Variants in PCDH11X observed in about 807,000 individuals in gnomAD.
The protein encoded by PCDH11X is protocadherin-11 X-linked.
PCDH11X carries 18 observed loss-of-function variants against 53.3 expected under a neutral mutation model. The ratio of observed to expected loss-of-function variants is 0.34; its 90% CI spans 0.23 to 0.50. The LOEUF (loss-of-function observed/expected upper bound fraction) is 0.50. PCDH11X is among the 20% of genes least tolerant of loss of function. The pLI is 0.98. For synonymous variants in PCDH11X, 279 were observed against 393.3 expected (o/e 0.71, Z 3.44); for missense variants, 570 against 1,032.4 (o/e 0.55, Z 6.14).
chrX:91,819,845 C>A (rs1936587518), intron 4 of PCDH11X, among the ~76,000 whole-genome samples: 1 of 91,234 alleles, frequency 1.1e-5, no homozygotes, highest in African/African-American at 4.1e-5. Context: ...CAACAGTCCC[C>A]AGAGTGTGAT....
intron 6 of PCDH11X, among the ~76,000 whole-genome samples, chrX:91,960,190 C>T (rs1259961847): frequency 8.8e-5 from 9 of 102,377 alleles, no homozygotes; most frequent in African/African-American, 1.8e-4. Flanking sequence ...TAACCCCCTA[C>T]GAGATAAACA....
intron 8 of PCDH11X, among the ~76,000 whole-genome samples, chrX:92,322,742 G>T (rs2069243877): frequency 9.0e-6 from 1 of 111,469 alleles, no homozygotes. Context: ...TATTGCCAGG[G>T]GAATATTGTC....
At chrX:92,360,221 GTACTTTA>G (rs941814433) in intron 8 of PCDH11X, among the ~76,000 whole-genome samples, 21 of 110,941 alleles carry the variant, frequency 1.9e-4, no homozygotes, top group Admixed American at 1.3e-3. Context: ...ATTGTATACA[GTACTTTA>G]TACTTTATAC....
chrX:92,294,358 G>T (rs2068563659), intron 8 of PCDH11X, among the ~76,000 whole-genome samples: 1 of 110,930 alleles, frequency 9.0e-6, no homozygotes, highest in Non-Finnish European at 1.9e-5. Context: ...GGCCAGGCTG[G>T]TCTCGAATTC....
chrX:92,521,746 C>T (rs1255391777), intron 10 of PCDH11X, among the ~76,000 whole-genome samples: 2 of 108,757 alleles, frequency 1.8e-5, no homozygotes, highest in Non-Finnish European at 1.9e-5. Flanking sequence ...AGTGTAGCCA[C>T]CTCCATGAAT....
chrX:91,837,655 A>G (rs1196528988), intron 5 of PCDH11X, among the ~76,000 whole-genome samples: 1 of 111,689 alleles, frequency 9.0e-6, no homozygotes, highest in East Asian at 2.8e-4. Context: ...ACCTGCATAG[A>G]AGATTTTTGA....
At chrX:92,360,695 A>G (rs1188852810) in intron 8 of PCDH11X, among the ~76,000 whole-genome samples, 2 of 111,209 alleles carry the variant, frequency 1.8e-5, no homozygotes, top group East Asian at 5.7e-4. Context: ...ACATATTTAA[A>G]AAGACATTGC....
chrX:92,019,019 A>G (rs1209326208), intron 6 of PCDH11X, among the ~76,000 whole-genome samples: 1 of 111,688 alleles, frequency 9.0e-6, no homozygotes, highest in African/African-American at 3.2e-5. Flanking sequence ...AACCAGGTGG[A>G]ACAGCTAACA....
At chrX:92,148,729 G>T (rs2065375030) in intron 6 of PCDH11X, among the ~76,000 whole-genome samples, 1 of 107,036 alleles carries the variant, frequency 9.3e-6, no homozygotes, top group South Asian at 4.1e-4. Flanking sequence ...ACTGGCCTTG[G>T]AAACATTGAC....
rs1190186252 is a variant in PCDH11X at position 91,878,091 on chromosome X, C to T, written c.1851C>T (p.Thr617=). ...TTTTAGATGAGAATGATGACTTCAC[C>T]ATTGATTCACAAACTGGTGTCATCC... ...LSILDENDDF[T]IDSQTGVIRP... Residue 617 remains threonine, a synonymous_variant, in exon 6 of 11, where the codon ACC becomes ACT. Transcript: ENST00000682573. 8 of 1,201,084 alleles carry T rather than the reference C, an allele frequency of 6.7e-6. No homozygotes were observed. The highest frequency in any genetic ancestry group is 6.7e-6 in the Non-Finnish European group (6 of 890,629).
intron 6 of PCDH11X, among the ~76,000 whole-genome samples, chrX:92,198,321 A>C (rs763982327): frequency 6.0e-5 from 6 of 100,644 alleles, no homozygotes; most frequent in Non-Finnish European, 1.2e-4. Context: ...TGAGGTGGAA[A>C]GATCACTTGA....
chrX:92,565,621 T>A (rs1261070188), intron 10 of PCDH11X, among the ~76,000 whole-genome samples: 1 of 99,061 alleles, frequency 1.0e-5, no homozygotes, highest in Non-Finnish European at 2.1e-5. Context: ...AGTAAAAGGA[T>A]AGTTACCAGT....
chrX:92,063,605 T>C (rs1350489485), intron 6 of PCDH11X, among the ~76,000 whole-genome samples: 1 of 111,831 alleles, frequency 8.9e-6, no homozygotes, highest in Non-Finnish European at 1.9e-5. Flanking sequence ...ACTAGAGCAG[T>C]TATTTGGATG....
At chrX:92,350,767 C>T (rs1388977590) in intron 8 of PCDH11X, among the ~76,000 whole-genome samples, 1 of 111,493 alleles carries the variant, frequency 9.0e-6, no homozygotes, top group African/African-American at 3.3e-5. Flanking sequence ...TTAGTTCTGC[C>T]GTCTATCTAC....
At chrX:92,276,155 C>T (rs1393380778) in intron 8 of PCDH11X, among the ~76,000 whole-genome samples, 2 of 108,938 alleles carry the variant, frequency 1.8e-5, no homozygotes, top group Non-Finnish European at 3.8e-5. Flanking sequence ...GCTGTCAATA[C>T]CTACAACAGT....
At chrX:92,113,618 G>T in intron 6 of PCDH11X, 1 of 1,197,614 alleles carries the variant, frequency 8.3e-7, no homozygotes, top group Non-Finnish European at 1.1e-6. Context: ...ACCTTCCTCC[G>T]GGTATTGATG....
rs759946263 is a variant in PCDH11X, at chrX:92,448,586, T to C, written c.3344-19713T>C. ...GTATGTTCATTAAACCCTTTTCCTGTATAAATTACCCAGTCTCAGGTATGT... is the reference window on the plus strand; with the variant it reads ...GTATGTTCATTAAACCCTTTTCCTGCATAAATTACCCAGTCTCAGGTATGT... On this transcript the variant is annotated intron_variant, in intron 9 of 10. Coordinates refer to ENST00000682573, the MANE Select transcript of PCDH11X (RefSeq NM_032968.5). Among the ~76,000 whole-genome samples, 11 of 94,056 alleles carry C rather than the reference T, an allele frequency of 1.2e-4. No homozygotes were observed. The South Asian group carries it at 5.1e-3, about 43-fold the overall frequency. The allele number at this position is 94,056 out of a possible 115,157, so 81.7% of individuals were successfully genotyped here.
intron 6 of PCDH11X, among the ~76,000 whole-genome samples, chrX:92,148,779 T>C (rs1309506848): frequency 9.5e-6 from 1 of 105,118 alleles, no homozygotes; most frequent in Non-Finnish European, 1.9e-5. Context: ...TATGTGTGTG[T>C]ATATATATAT....
intron 6 of PCDH11X, among the ~76,000 whole-genome samples, chrX:91,901,480 C>T (rs1357527895): frequency 9.0e-6 from 1 of 111,673 alleles, no homozygotes; most frequent in Non-Finnish European, 1.9e-5. Context: ...TTTATCAACT[C>T]ATAAGATTTA....
Sources: gnomAD v4.1 joint callset for allele counts (sites outside exome capture counted in the v4.1 genomes callset) on GRCh38, gnomAD v4.1.1 for gene constraint, MANE v1.5 for transcripts, NCBI Gene and HGNC (gene_info 2026-07-23, HGNC 2026-07-21) for gene names.